Variants in USP34 observed in about 807,000 individuals in gnomAD.
The protein encoded by USP34 is ubiquitin carboxyl-terminal hydrolase 34.
USP34 carries 70 observed loss-of-function variants against 460.3 expected under a neutral mutation model. The observed-to-expected ratio is 0.15, with a 90% CI of 0.13 to 0.19. The LOEUF (loss-of-function observed/expected upper bound fraction) is 0.19. Ranked by LOEUF, USP34 falls within the 10% of genes least tolerant of loss-of-function variation. The pLI, the probability that USP34 is intolerant of heterozygous loss-of-function variation, is 1.00. For synonymous variants in USP34, 1,647 were observed against 1,405.3 expected (o/e 1.17, Z -3.85); for missense variants, 3,985 against 4,236.2 (o/e 0.94, Z 1.65).
intron 64 of USP34, 78 bp from the exon 65 acceptor site, chr2:61,222,741 G>T: frequency 7.3e-7 from 1 of 1,371,296 alleles, no homozygotes; most frequent in Non-Finnish European, 1.0e-6. Context: ...ATGTCACCCA[G>T]GCTGGGATGC....
chr2:61,259,633 A>C, intron 44 of USP34, 78 bp downstream of exon 44: 1 of 1,369,200 alleles, frequency 7.3e-7, no homozygotes, highest in South Asian at 1.2e-5. Flanking sequence ...CCATCCACCC[A>C]CCTTGGCCTC....
In USP34 at chr2:61,295,239, T is replaced by G. The variant is rs1308723843; in HGVS notation, c.4306A>C (p.Lys1436Gln). ...KELLKIKSAH[K>Q]LLYALEIIEA... Reference sequence around the variant, plus strand: ...ATAATTTCCAGAGCATACAATAGCTTGTGGGCGCTCTTAATTTTGAGAAGT... The same window carrying G: ...ATAATTTCCAGAGCATACAATAGCTGGTGGGCGCTCTTAATTTTGAGAAGT... The change falls in exon 31 of 80, where the codon AAG (lysine) becomes CAG (glutamine). Residue 1436 changes from lysine (K) to glutamine (Q), a missense_variant. By Grantham distance (53) the Lys-to-Gln change is moderately conservative. Around this residue, in one of 14 missense-constraint regions of USP34, gnomAD observed 1,114 missense variants for 1,122.5 expected, o/e 0.99. Transcript: ENST00000398571. 6 of 1,609,732 alleles carry G rather than the reference T, an allele frequency of 3.7e-6. No individual in the cohort carries two copies. The highest frequency in any genetic ancestry group is 5.1e-6 in the Non-Finnish European group (6 of 1,178,400).
intron 12 of USP34, 23 bp from the exon 13 acceptor site, chr2:61,349,308 G>T: frequency 1.2e-6 from 2 of 1,611,750 alleles, no homozygotes; most frequent in South Asian, 1.1e-5. Flanking sequence ...GAAAAAACAG[G>T]AGAAAAACAT....
At chr2:61,203,405 G>C in intron 74 of USP34, 142 bp from the exon 75 acceptor site, 1 of 767,566 alleles carries the variant, frequency 1.3e-6, no homozygotes, top group Non-Finnish European at 1.8e-6. Context: ...CAAATTTCTA[G>C]TAATGTTATG....
At chr2:61,274,223 C>T (rs781531685) in intron 41 of USP34, among the ~76,000 whole-genome samples, 7 of 151,728 alleles carry the variant, frequency 4.6e-5, no homozygotes, top group Non-Finnish European at 8.8e-5. Flanking sequence ...AATCCGGTCT[C>T]CACTAAAAAT....
At position 61,371,138 on chromosome 2, in the gene USP34, CAGTGGTCCCATAAGATTAAA is replaced by C. The variant is rs549690252; in HGVS notation, c.1077-579_1077-560del. On this transcript the variant is annotated intron_variant, in intron 8 of 79. Coordinates refer to ENST00000398571, the MANE Select transcript of USP34 (RefSeq NM_014709.4). Reference sequence around the variant, plus strand: ...ACCAAAGGATGGACCAAATATACAACAGTGGTCCCATAAGATTAAAAGTGACTTGAACAATTCCTATCACC... The same window carrying C: ...ACCAAAGGATGGACCAAATATACAACAGTGACTTGAACAATTCCTATCACC... 2.0e-4 allele frequency among the ~76,000 whole-genome samples: 30 copies of C among 152,234 alleles called. 1 individual carries two copies. The highest frequency in any genetic ancestry group is 7.0e-4 in the African/African-American group (29 of 41,546).
intron 29 of USP34, among the ~76,000 whole-genome samples, chr2:61,298,528 ACT>A (rs1436920831): frequency 9.6e-6 from 1 of 104,564 alleles, no homozygotes; most frequent in Non-Finnish European, 1.8e-5. Flanking sequence ...ACAGAGTGAG[ACT>A]CTGTCTCAAA....
intron 3 of USP34, among the ~76,000 whole-genome samples, chr2:61,402,413 C>G (rs1046214682): frequency 3.9e-5 from 6 of 152,142 alleles, no homozygotes; most frequent in Non-Finnish European, 8.8e-5. Flanking sequence ...GGAAGGGAGA[C>G]AGAAGGAGTG....
At chr2:61,438,972 C>T (rs1694892227) in intron 1 of USP34, among the ~76,000 whole-genome samples, 1 of 152,138 alleles carries the variant, frequency 6.6e-6, no homozygotes, top group Non-Finnish European at 1.5e-5. Flanking sequence ...AGTAAAGTTG[C>T]AGGATACAAA....
intron 76 of USP34, among the ~76,000 whole-genome samples, chr2:61,192,166 C>A (rs777238477): frequency 6.6e-6 from 1 of 152,156 alleles, no homozygotes; most frequent in Non-Finnish European, 1.5e-5. Context: ...AAGGGTTGCA[C>A]CTAAGGAAGG....
chr2:61,205,956 A>G, intron 72 of USP34, 61 bp downstream of exon 72: 2 of 1,312,310 alleles, frequency 1.5e-6, no homozygotes, highest in South Asian at 1.2e-5. Flanking sequence ...CATCACGGAA[A>G]AACTCACAAC....
At chr2:61,207,495 ATGTTAAAATTCT>A (rs1687153340) in intron 70 of USP34, 1 of 152,320 alleles carries the variant, frequency 6.6e-6, no homozygotes, top group African/African-American at 2.4e-5. Flanking sequence ...CACAGTTCAA[ATGTTAAAATTCT>A]TAGCCCAGAA....
intron 8 of USP34, among the ~76,000 whole-genome samples, chr2:61,376,787 A>C (rs1040614379): frequency 6.6e-5 from 10 of 152,160 alleles, no homozygotes; most frequent in South Asian, 2.1e-4. Context: ...AGCTGGAATC[A>C]CAGGCATGCG....
chr2:61,350,602 A>C lies in USP34; in HGVS notation c.1343T>G (p.Val448Gly), dbSNP rs1691916279. 2 of 1,613,740 alleles carry C rather than the reference A, an allele frequency of 1.2e-6. No individual in the cohort carries two copies. ...PVPLRHLLNL[V>G]SALEPSVHTE... is the part of the protein sequence containing the mutation. ...ATGAACACTTGGCTCAAGAGCTGAG[A>C]CCAGATTAAGTAGATGTCTAAGTGG... Residue 448 changes from valine (V) to glycine (G), a missense_variant, in exon 11 of 80, where the codon GTC becomes GGC. By Grantham distance (109) the Val-to-Gly change is moderately radical. Coordinates refer to ENST00000398571, the MANE Select transcript of USP34 (RefSeq NM_014709.4).
intron 20 of USP34, among the ~76,000 whole-genome samples, chr2:61,329,090 C>G (rs775809393): frequency 6.6e-6 from 1 of 152,148 alleles, no homozygotes; most frequent in African/African-American, 2.4e-5. Flanking sequence ...GGTGCGAGCT[C>G]GGCTCACTGC....
chr2:61,391,851 A>G (rs1026099909), intron 5 of USP34, among the ~76,000 whole-genome samples: 1 of 152,200 alleles, frequency 6.6e-6, no homozygotes, highest in African/African-American at 2.4e-5. Flanking sequence ...CCAATCTACA[A>G]TATTTTTTAT....
intron 1 of USP34, among the ~76,000 whole-genome samples, chr2:61,422,396 C>T (rs1357626588): frequency 6.6e-6 from 1 of 152,154 alleles, no homozygotes; most frequent in Non-Finnish European, 1.5e-5. Context: ...ACCAGAGGCC[C>T]GCCTGACAGC....
At chr2:61,246,519 C>G in intron 49 of USP34, 42 bp from the exon 50 acceptor site, 1 of 1,326,856 alleles carries the variant, frequency 7.5e-7, no homozygotes, top group Non-Finnish European at 9.9e-7. Context: ...TTCCAAACTT[C>G]ACAACAGTTA....
chr2:61,227,267 A>G, intron 61 of USP34, 49 bp from the exon 62 acceptor site: 1 of 1,550,928 alleles, frequency 6.4e-7, no homozygotes, highest in Admixed American at 2.0e-5. Flanking sequence ...TTTTAATATC[A>G]TTTTGAGAAC....
Sources: allele counts gnomAD v4.1 joint callset (sites outside exome capture counted in the v4.1 genomes callset), GRCh38; gene constraint gnomAD v4.1.1; regional missense constraint gnomAD v4.1.1; transcripts MANE v1.5; gene names NCBI Gene and HGNC (gene_info 2026-07-23, HGNC 2026-07-21).